Variants in PYROXD1 observed in about 807,000 individuals in gnomAD.
PYROXD1 encodes the protein pyridine nucleotide-disulphide oxidoreductase domain 1.
In PYROXD1, 42 loss-of-function variants were observed where a neutral mutation model predicts 62.0. The observed-to-expected ratio is 0.68, with a 90% CI of 0.53 to 0.88. The LOEUF (loss-of-function observed/expected upper bound fraction) is 0.88. Among genes scored for constraint, PYROXD1 ranks in the 40% least tolerant of loss-of-function variants. The pLI is 0.00. For synonymous variants in PYROXD1, 170 were observed against 206.4 expected, an observed-to-expected ratio of 0.82 and a Z score of 1.51; for missense variants, 493 against 604.8, an observed-to-expected ratio of 0.82 and a Z score of 1.94.
intron 4 of PYROXD1, among the ~76,000 whole-genome samples, chr12:21,450,673 T>C (rs1942479340): frequency 6.6e-6 from 1 of 152,228 alleles, no homozygotes; most frequent in Non-Finnish European, 1.5e-5. Flanking sequence ...TTAATATAAT[T>C]TATATTCTGA....
intron 10 of PYROXD1, among the ~76,000 whole-genome samples, chr12:21,464,526 C>T (rs74067187): frequency 0.015 from 2,237 of 152,050 alleles, 41 homozygotes; most frequent in African/African-American, 0.047. Flanking sequence ...CAAAAGACAG[C>T]ATTAAGTACA....
intron 3 of PYROXD1, chr12:21,448,229 C>T: frequency 1.9e-6 from 1 of 520,536 alleles, no homozygotes; most frequent in East Asian, 3.3e-5. Flanking sequence ...CCATTTTGTT[C>T]TTATGAAATG....
intron 2 of PYROXD1, among the ~76,000 whole-genome samples, chr12:21,444,539 C>G (rs1193771139): frequency 2.0e-5 from 3 of 152,208 alleles, no homozygotes; most frequent in African/African-American, 4.8e-5. Context: ...AAGATTACTG[C>G]TAATAATTCA....
chr12:21,455,088 T>G, intron 5 of PYROXD1, 44 bp from the exon 6 acceptor site: 1 of 1,213,916 alleles, frequency 8.2e-7, no homozygotes, highest in Non-Finnish European at 1.1e-6. Flanking sequence ...ATTTTTTACT[T>G]AGACTTTTGA....
At chr12:21,462,154 T>C (rs377108897) in intron 9 of PYROXD1, 34 bp downstream of exon 9, 5 of 1,188,776 alleles carry the variant, frequency 4.2e-6, no homozygotes, top group South Asian at 2.5e-5. Context: ...GCTGTGAATA[T>C]ATTTGAAGTA....
intron 6 of PYROXD1, 81 bp downstream of exon 6, chr12:21,455,373 T>C: frequency 1.2e-6 from 1 of 864,380 alleles, no homozygotes; most frequent in Non-Finnish European, 1.6e-6. Flanking sequence ...GAAAATTTAA[T>C]AAAATAAATT....
chr12:21,467,134 T>C (rs1425662415), intron 10 of PYROXD1, among the ~76,000 whole-genome samples: 1 of 152,136 alleles, frequency 6.6e-6, no homozygotes, highest in Non-Finnish European at 1.5e-5. Flanking sequence ...CAGTGATAAT[T>C]TGACATCTCT....
chr12:21,450,459 G>T (rs1246585910), intron 4 of PYROXD1, among the ~76,000 whole-genome samples: 2 of 152,104 alleles, frequency 1.3e-5, no homozygotes, highest in Non-Finnish European at 2.9e-5. Context: ...AACAGAAAAG[G>T]TCACTTGGCT....
intron 5 of PYROXD1, among the ~76,000 whole-genome samples, chr12:21,454,300 A>G: frequency 6.6e-6 from 1 of 152,152 alleles, no homozygotes; most frequent in Non-Finnish European, 1.5e-5. Context: ...AAGTTTAGAT[A>G]AAATCCTATT....
Position 21,437,658 on chromosome 12 carries a change from T to C in PYROXD1, c.-73T>C, listed in dbSNP as rs968427105. The C allele has an allele frequency of 3.1e-5, 45 of 1,471,546 alleles. No homozygotes were observed. The highest frequency in any genetic ancestry group is 3.7e-5 in the Non-Finnish European group (40 of 1,071,056). The allele number at this position is 1,471,546 out of a possible 1,614,324, so 91.2% of individuals were successfully genotyped here. ...GCACCGGAAGTGACCGCCTCGCGGC[T>C]GCTTCCTCTCCTGGAGTCCAGAGTC... On this transcript the variant is annotated 5_prime_UTR_variant, in exon 1 of 12. Transcript: ENST00000240651.
At chr12:21,445,602 A>C (rs1230806547) in intron 3 of PYROXD1, 136 bp downstream of exon 3, 1 of 876,938 alleles carries the variant, frequency 1.1e-6, no homozygotes, top group African/African-American at 1.7e-5. Context: ...ATTGATTTCC[A>C]GTATTATTAG....
chr12:21,462,753 A>G lies in PYROXD1; in HGVS notation c.1007A>G (p.Glu336Gly). The G allele has an allele frequency of 1.2e-6, 2 of 1,613,858 alleles. No individual in the cohort carries two copies. Among genetic ancestry groups the G allele is most frequent in the Non-Finnish European group, 1.7e-6 (2 of 1,179,876 alleles). Residue 336 changes from glutamate to glycine, a missense_variant, in exon 10 of 12, where the codon GAA (glutamate) becomes GGA (glycine). Physicochemically the swap from Glu to Gly is moderately conservative, Grantham distance 98. Around this residue, in one of 2 missense-constraint regions of PYROXD1, gnomAD observed 329 missense variants for 446.6 expected, o/e 0.74. Coordinates refer to ENST00000240651, the MANE Select transcript of PYROXD1 (RefSeq NM_024854.5). The part of the protein sequence containing the change: ...FLHGNSFDLG[E>G]DGGLKVDDHM... ...AATGTTGTTTAGTTTGATCTAGGAG[A>G]AGATGGTGGCCTGAAAGTGGATGAT...
At chr12:21,467,228 T>A (rs1477385466) in intron 10 of PYROXD1, 2 of 331,968 alleles carry the variant, frequency 6.0e-6, no homozygotes, top group African/African-American at 4.2e-5. Context: ...TATAGTTTCA[T>A]AATATTTAAT....
At position 21,447,940 on chromosome 12, in the gene PYROXD1, G is replaced by A. The variant is rs574141073; in HGVS notation, c.286-1623G>A. On this transcript the variant is annotated intron_variant, in intron 3 of 11. Coordinates refer to ENST00000240651, the MANE Select transcript of PYROXD1 (RefSeq NM_024854.5). ...GGAGATTGCAGTGAGCTGAGATCAC[G>A]CCGCTGCACTCCAGCCTGGGCGACA... The A allele has an allele frequency of 4.2e-5, 10 of 239,988 alleles. No homozygotes were observed. The East Asian group carries it at 4.4e-4, about 11-fold the overall frequency. The allele number at this position is 239,988 out of a possible 1,614,324, so 14.9% of individuals were successfully genotyped here.
At chr12:21,455,643 C>G (rs1396868420) in intron 6 of PYROXD1, among the ~76,000 whole-genome samples, 1 of 151,222 alleles carries the variant, frequency 6.6e-6, no homozygotes, top group Non-Finnish European at 1.5e-5. Context: ...CTTTGAAAAA[C>G]TTTTAGATTA....
In PYROXD1 at chr12:21,468,749, G is replaced by A. The variant is rs1942852513; in HGVS notation, c.1498G>A (p.Asp500Asn). The A allele has an allele frequency of 6.2e-7, 1 of 1,601,512 alleles. No homozygotes were observed. Among genetic ancestry groups the A allele is most frequent in the South Asian group, 1.1e-5 (1 of 89,588 alleles). Residue 500 changes from aspartate (D) to asparagine (N), a missense_variant, in exon 12 of 12, where the codon GAC (aspartate) becomes AAC (asparagine). Asp to Asn is a conservative substitution (Grantham distance 23, BLOSUM62 1). Transcript: ENST00000240651. ...AAATATTGATATAGAAGATTATTTT[G>A]ACTAAAAATGGAATTTCTTCAGGAA... is the stretch of plus-strand genomic sequence containing the variant. ...DPNIDIEDYFD is the reference protein window; with the variant it reads ...DPNIDIEDYFN
intron 1 of PYROXD1, 183 bp downstream of exon 1, chr12:21,437,997 T>G (rs888984246): frequency 1.3e-5 from 8 of 616,874 alleles, no homozygotes; most frequent in African/African-American, 9.3e-5. Flanking sequence ...CCTCACTAGC[T>G]TTCTCTTAGG....
chr12:21,446,703 G>A (rs1942396310), intron 3 of PYROXD1, among the ~76,000 whole-genome samples: 1 of 152,030 alleles, frequency 6.6e-6, no homozygotes, highest in Non-Finnish European at 1.5e-5. Flanking sequence ...CTTTAGCCTA[G>A]AAGTTCGACT....
At position 21,467,500 on chromosome 12, in the gene PYROXD1, C is replaced by G; in HGVS notation, c.1136C>G (p.Ala379Gly). 6.2e-7 allele frequency: 1 copy of G among 1,609,580 alleles called. No individual in the cohort carries two copies. Among genetic ancestry groups the G allele is most frequent in the African/African-American group, 1.3e-5 (1 of 74,756 alleles). Residue 379 changes from alanine (A) to glycine (G), a missense_variant, in exon 11 of 12, where the codon GCT becomes GGT. Physicochemically the swap from Ala to Gly is moderately conservative, Grantham distance 60. This residue lies in a region of PYROXD1 where 329 missense variants were observed against 446.6 expected (regional missense o/e 0.74). Transcript: ENST00000240651. ...VWQQMRLWTQ[A>G]RQMGWYAAKC... is the part of the protein sequence containing the mutation. ...TTTCAGATGAGGCTGTGGACCCAGGCTAGACAGATGGGATGGTATGCAGCA... is the reference window on the plus strand; with the variant it reads ...TTTCAGATGAGGCTGTGGACCCAGGGTAGACAGATGGGATGGTATGCAGCA...
Sources: allele counts gnomAD v4.1 joint callset (sites outside exome capture counted in the v4.1 genomes callset), GRCh38; gene constraint gnomAD v4.1.1; regional missense constraint gnomAD v4.1.1; transcripts MANE v1.5; gene names NCBI Gene and HGNC (gene_info 2026-07-23, HGNC 2026-07-21).